SCHIP1: variants seen among roughly 807,000 people sequenced by gnomAD.
SCHIP1 encodes the protein schwannomin-interacting protein 1.
A neutral mutation model predicts 29.7 loss-of-function variants in SCHIP1; 8 were observed. That is an observed-to-expected ratio of 0.27 (90% confidence interval 0.16 to 0.49). SCHIP1 has a LOEUF of 0.49. Ranked by LOEUF, SCHIP1 falls within the 20% of genes least tolerant of loss-of-function variation. The pLI is 0.99. For missense variants in SCHIP1, 193 were observed against 294.6 expected (o/e 0.66, Z 2.52); for synonymous variants, 76 against 94.9 (o/e 0.80, Z 1.16).
chr3:159,480,967 G>C, the SCHIP1 span, among the ~76,000 whole-genome samples: 1 of 152,136 alleles, frequency 6.6e-6, no homozygotes, highest in Non-Finnish European at 1.5e-5. Flanking sequence ...CAGTCAAAGG[G>C]GGTTGTTTCT....
chr3:159,396,163 C>G, the SCHIP1 span, among the ~76,000 whole-genome samples: 3 of 144,972 alleles, frequency 2.1e-5, no homozygotes, highest in African/African-American at 7.6e-5. Context: ...TTTTGTTTTC[C>G]ATTTGCTTGG....
chr3:159,460,475 T>C, the SCHIP1 span, among the ~76,000 whole-genome samples: 1 of 152,110 alleles, frequency 6.6e-6, no homozygotes, highest in East Asian at 1.9e-4. Flanking sequence ...TCTTGGAGAA[T>C]AAGTAGGTGT....
At chr3:159,412,061 A>G in the SCHIP1 span, among the ~76,000 whole-genome samples, 3 of 152,222 alleles carry the variant, frequency 2.0e-5, no homozygotes, top group African/African-American at 4.8e-5. Flanking sequence ...TGCTTTGCAT[A>G]TATTGTCTTG....
chr3:159,289,273 C>T, the SCHIP1 span, among the ~76,000 whole-genome samples: 4 of 152,170 alleles, frequency 2.6e-5, no homozygotes, highest in Non-Finnish European at 5.9e-5. Flanking sequence ...ATTTCAGTAG[C>T]ATCAAATTTC....
chr3:159,373,438 C>T, the SCHIP1 span, among the ~76,000 whole-genome samples: 1 of 151,850 alleles, frequency 6.6e-6, no homozygotes, highest in Non-Finnish European at 1.5e-5. Flanking sequence ...GAGGTGAGAA[C>T]ACTTGAAATT....
the SCHIP1 span, among the ~76,000 whole-genome samples, chr3:159,607,977 C>G: frequency 6.6e-6 from 1 of 152,128 alleles, no homozygotes; most frequent in African/African-American, 2.4e-5. Flanking sequence ...AATTGAGATT[C>G]CAGAGGCAGT....
At chr3:159,424,585 G>A in the SCHIP1 span, among the ~76,000 whole-genome samples, 37 of 152,318 alleles carry the variant, frequency 2.4e-4, no homozygotes, top group East Asian at 5.8e-3. Flanking sequence ...TGAAAGTGAC[G>A]GGGAGAACGG....
chr3:159,343,351 A>G, the SCHIP1 span, among the ~76,000 whole-genome samples: 4 of 152,236 alleles, frequency 2.6e-5, no homozygotes, highest in African/African-American at 4.8e-5. Context: ...CTGCAAAGTC[A>G]TAAAACACTC....
the SCHIP1 span, among the ~76,000 whole-genome samples, chr3:159,524,188 TGG>T: frequency 2.6e-5 from 4 of 152,210 alleles, no homozygotes; most frequent in African/African-American, 4.8e-5. Flanking sequence ...CCACATGAGG[TGG>T]GCATGGGTTG....
At chr3:159,427,868 C>T in the SCHIP1 span, among the ~76,000 whole-genome samples, 2,428 of 151,800 alleles carry the variant, frequency 0.016, 36 homozygotes, top group African/African-American at 0.055. Context: ...TGGAACAGAA[C>T]AGAGCCCTCA....
the SCHIP1 span, among the ~76,000 whole-genome samples, chr3:159,777,142 G>A: frequency 2.6e-5 from 4 of 152,206 alleles, no homozygotes; most frequent in Admixed American, 1.3e-4. Context: ...ATATACATTT[G>A]TGAGACTAAC....
the SCHIP1 span, among the ~76,000 whole-genome samples, chr3:159,287,122 C>G: frequency 6.6e-6 from 1 of 151,996 alleles, no homozygotes. Context: ...CTCTTGGCAT[C>G]TTTGTCATGA....
the SCHIP1 span, among the ~76,000 whole-genome samples, chr3:159,789,140 G>A: frequency 6.6e-6 from 1 of 152,048 alleles, no homozygotes; most frequent in African/African-American, 2.4e-5. Flanking sequence ...TACAGAGAGA[G>A]AGAGAGAGAT....
chr3:159,529,098 A>G, the SCHIP1 span, among the ~76,000 whole-genome samples: 1 of 152,304 alleles, frequency 6.6e-6, no homozygotes, highest in East Asian at 1.9e-4. Flanking sequence ...AACCATATAT[A>G]TATACATTTC....
the SCHIP1 span, among the ~76,000 whole-genome samples, chr3:159,809,538 A>G: frequency 6.6e-6 from 1 of 151,928 alleles, no homozygotes; most frequent in Non-Finnish European, 1.5e-5. Flanking sequence ...CTAGTTCTAG[A>G]TCCTTGAGGA....
chr3:159,894,699 G>A (rs1171254548), intron 6 of SCHIP1: 3 of 147,124 alleles, frequency 2.0e-5, no homozygotes, highest in African/African-American at 5.0e-5. Flanking sequence ...GCCCTCAATA[G>A]CAATTGTTGT....
At chr3:159,563,683 A>C in the SCHIP1 span, among the ~76,000 whole-genome samples, 2 of 152,092 alleles carry the variant, frequency 1.3e-5, no homozygotes, top group Non-Finnish European at 2.9e-5. Context: ...GAAAACAGCC[A>C]GGCATGGTGG....
chr3:159,379,389 T>G, the SCHIP1 span, among the ~76,000 whole-genome samples: 1 of 152,258 alleles, frequency 6.6e-6, no homozygotes, highest in Non-Finnish European at 1.5e-5. Flanking sequence ...GCCTGGCTAA[T>G]TTTTTGTACC....
the SCHIP1 span, among the ~76,000 whole-genome samples, chr3:159,831,794 T>C: frequency 0.013 from 2,052 of 152,230 alleles, 40 homozygotes; most frequent in African/African-American, 0.047. Flanking sequence ...AATTTAAAAC[T>C]TATGAATTGT....
Sources: allele counts gnomAD v4.1 joint callset (sites outside exome capture counted in the v4.1 genomes callset), GRCh38; gene constraint gnomAD v4.1.1; transcripts MANE v1.5; gene names NCBI Gene and HGNC (gene_info 2026-07-23, HGNC 2026-07-21).